The following WWOX variants were observed in gnomAD, a reference collection of about 807,000 sequenced individuals.
The protein encoded by WWOX is WW domain-containing oxidoreductase.
In WWOX, 69 loss-of-function variants were observed where a neutral mutation model predicts 46.2. The ratio of observed to expected loss-of-function variants is 1.49; its 90% CI spans 1.23 to 1.82. The LOEUF is 1.82. Among genes scored for constraint, WWOX ranks in the 40% most tolerant of loss-of-function variants. The pLI is 0.00. For synonymous variants in WWOX, 359 were observed against 202.6 expected (o/e 1.77, Z -6.56); for missense variants, 919 against 542.6 (o/e 1.69, Z -6.89).
rs138469473 is a variant in WWOX, at chr16:78,377,966, A to C, written c.517-8894A>C. Among the ~76,000 whole-genome samples, 247 of 152,114 alleles carry C rather than the reference A, an allele frequency of 1.6e-3. 8 individuals are homozygous for C. In the East Asian group the frequency reaches 0.039, roughly 24 times the overall value. ...AAGGAAGAGTTGTCATCATTTTCTT[A>C]TTAGGGATGTTTGTGTATTTTGGCA... On this transcript the variant is annotated intron_variant, in intron 5 of 8. Coordinates refer to ENST00000566780, the MANE Select transcript of WWOX (RefSeq NM_016373.4).
chr16:78,538,980 C>T (rs2043824017), intron 8 of WWOX, among the ~76,000 whole-genome samples: 1 of 152,170 alleles, frequency 6.6e-6, no homozygotes, highest in South Asian at 2.1e-4. Flanking sequence ...AATGCCCTTT[C>T]ACAGCTGTGG....
intron 8 of WWOX, among the ~76,000 whole-genome samples, chr16:78,804,715 G>GT (rs1268462264): frequency 6.6e-6 from 1 of 152,064 alleles, no homozygotes; most frequent in Non-Finnish European, 1.5e-5. Context: ...GTGCTTGATA[G>GT]TTTTTTATGT....
At chr16:78,358,742 G>C (rs895453438) in intron 5 of WWOX, among the ~76,000 whole-genome samples, 6 of 151,756 alleles carry the variant, frequency 4.0e-5, no homozygotes, top group African/African-American at 1.5e-4. Flanking sequence ...CAAATGAGTT[G>C]AATATATACA....
intron 8 of WWOX, among the ~76,000 whole-genome samples, chr16:79,010,196 G>A (rs948178656): frequency 6.6e-6 from 1 of 152,144 alleles, no homozygotes; most frequent in Admixed American, 6.5e-5. Flanking sequence ...GCTTCCCCAG[G>A]AGGCTTTCAC....
chr16:78,887,516 C>G (rs72804718), intron 8 of WWOX, among the ~76,000 whole-genome samples: 1 of 127,410 alleles, frequency 7.8e-6, no homozygotes, highest in Non-Finnish European at 1.7e-5. Context: ...CACACACACA[C>G]ACAAGAAATG....
At chr16:78,103,137 G>T (rs1453012161) in intron 1 of WWOX, among the ~76,000 whole-genome samples, 1 of 152,044 alleles carries the variant, frequency 6.6e-6, no homozygotes, top group Admixed American at 6.5e-5. Flanking sequence ...CTTCCTGAGT[G>T]GCCCCTGGCC....
chr16:78,756,371 C>A (rs768251415), intron 8 of WWOX, among the ~76,000 whole-genome samples: 8 of 151,956 alleles, frequency 5.3e-5, no homozygotes, highest in Non-Finnish European at 1.2e-4. Flanking sequence ...AGGGTGAAGG[C>A]GGTTGAGATA....
intron 8 of WWOX, among the ~76,000 whole-genome samples, chr16:78,696,335 C>G (rs950836976): frequency 1.3e-5 from 2 of 152,122 alleles, no homozygotes. Flanking sequence ...ACCTGAGTAC[C>G]AGGCAGGGTC....
chr16:78,391,770 C>G (rs1026575981), intron 6 of WWOX, among the ~76,000 whole-genome samples: 5 of 152,082 alleles, frequency 3.3e-5, no homozygotes, highest in Non-Finnish European at 7.4e-5. Context: ...ATTGCTTGAG[C>G]TCTGGGGTGG....
At chr16:78,866,630 A>T (rs2075831) in intron 8 of WWOX, among the ~76,000 whole-genome samples, 10 of 152,044 alleles carry the variant, frequency 6.6e-5, no homozygotes, top group African/African-American at 2.4e-4. Context: ...CTGTGAGCCT[A>T]TTTGGCTCCT....
chr16:78,913,622 G>C (rs2045169562), intron 8 of WWOX, among the ~76,000 whole-genome samples: 1 of 151,342 alleles, frequency 6.6e-6, no homozygotes, highest in Non-Finnish European at 1.5e-5. Context: ...ATAGTAGCAA[G>C]CATTACCCCA....
At chr16:78,591,544 C>T (rs1472783299) in intron 8 of WWOX, among the ~76,000 whole-genome samples, 11 of 152,288 alleles carry the variant, frequency 7.2e-5, no homozygotes, top group Non-Finnish European at 1.3e-4. Flanking sequence ...AGACAGATAA[C>T]AATGTTAACA....
chr16:79,124,005 C>G (rs1208058356), intron 8 of WWOX, among the ~76,000 whole-genome samples: 7 of 152,270 alleles, frequency 4.6e-5, no homozygotes, highest in Non-Finnish European at 1.0e-4. Context: ...GCTAAATAAA[C>G]TCTGCCTTCT....
chr16:79,136,043 CTT>C (rs1305487908), intron 8 of WWOX, among the ~76,000 whole-genome samples: 3 of 152,118 alleles, frequency 2.0e-5, no homozygotes, highest in Admixed American at 1.3e-4. Flanking sequence ...GCAATTTTAA[CTT>C]TCTATATTCA....
intron 8 of WWOX, among the ~76,000 whole-genome samples, chr16:79,011,460 T>TTTA (rs34742390): frequency 6.7e-5 from 2 of 29,662 alleles, no homozygotes; most frequent in African/African-American, 3.8e-4. Context: ...TATTTTTTAT[T>TTTA]TTATTTATTT....
In WWOX at chr16:78,399,418, G is replaced by C. The variant is rs76903619; in HGVS notation, c.605+12470G>C. On this transcript the variant is annotated intron_variant, in intron 6 of 8. Coordinates refer to ENST00000566780, the MANE Select transcript of WWOX (RefSeq NM_016373.4). ...CATAACCCAAAGGTTTTCTTACAAG[G>C]AATCTATGAACCTTAAGAGTGAGGG... 1.0e-2 allele frequency among the ~76,000 whole-genome samples: 1,517 copies of C among 152,254 alleles called. 26 individuals are homozygous for C. The highest frequency in any genetic ancestry group is 0.034 in the African/African-American group (1,413 of 41,534).
intron 6 of WWOX, among the ~76,000 whole-genome samples, chr16:78,412,330 G>T (rs1452651740): frequency 6.6e-6 from 1 of 152,162 alleles, no homozygotes; most frequent in Non-Finnish European, 1.5e-5. Flanking sequence ...ATTTAGGCAT[G>T]TTGACCCTGA....
At chr16:78,669,255 C>T (rs1196794923) in intron 8 of WWOX, among the ~76,000 whole-genome samples, 1 of 152,220 alleles carries the variant, frequency 6.6e-6, no homozygotes, top group East Asian at 1.9e-4. Flanking sequence ...CTCACATTTG[C>T]TGTCCCAAGT....
chr16:78,364,660 T>TTC (rs71137892), intron 5 of WWOX, among the ~76,000 whole-genome samples: 2 of 151,746 alleles, frequency 1.3e-5, no homozygotes, highest in African/African-American at 2.4e-5. Flanking sequence ...TGGGTGCTCT[T>TTC]TCTCTATAAT....
Sources: gnomAD v4.1 joint callset for allele counts (sites outside exome capture counted in the v4.1 genomes callset) on GRCh38, gnomAD v4.1.1 for gene constraint, MANE v1.5 for transcripts, NCBI Gene and HGNC (gene_info 2026-07-23, HGNC 2026-07-21) for gene names.